Variants in GALNTL6 observed in about 807,000 individuals in gnomAD.
GALNTL6 encodes polypeptide N-acetylgalactosaminyltransferase-like 6.
In GALNTL6, 46 loss-of-function variants were observed where a neutral mutation model predicts 73.7. The observed-to-expected ratio is 0.62, with a 90% CI of 0.49 to 0.80. GALNTL6 has a LOEUF of 0.80. GALNTL6 is among the 30% of genes least tolerant of loss of function. The pLI, the probability that GALNTL6 is intolerant of heterozygous loss-of-function variation, is 0.00. For synonymous variants in GALNTL6, 259 were observed against 263.7 expected, an observed-to-expected ratio of 0.98 and a Z score of 0.17; for missense variants, 604 against 755.0, an observed-to-expected ratio of 0.80 and a Z score of 2.34.
chr4:172,246,799 G>A (rs192004611), intron 3 of GALNTL6, among the ~76,000 whole-genome samples: 129 of 146,606 alleles, frequency 8.8e-4, no homozygotes, highest in African/African-American at 3.0e-3. Flanking sequence ...GAAGCCAGGC[G>A]ATTTATATAT....
At chr4:172,674,459 T>C (rs1417730621) in intron 5 of GALNTL6, among the ~76,000 whole-genome samples, 1 of 152,160 alleles carries the variant, frequency 6.6e-6, no homozygotes, top group Non-Finnish European at 1.5e-5. Flanking sequence ...GATTTTCTTT[T>C]GACATATCTT....
chr4:171,836,067 GT>G (rs34563112), intron 2 of GALNTL6, among the ~76,000 whole-genome samples: 44,143 of 151,766 alleles, frequency 0.29, 6,559 homozygotes, highest in Middle Eastern at 0.37. Context: ...TCATAAAATA[GT>G]GCTAGTAATA....
At chr4:172,449,313 C>A (rs1484636027) in intron 5 of GALNTL6, among the ~76,000 whole-genome samples, 1 of 152,128 alleles carries the variant, frequency 6.6e-6, no homozygotes, top group Non-Finnish European at 1.5e-5. Flanking sequence ...AAGTATCCCT[C>A]CAAGTACCAC....
At chr4:171,909,908 A>G (rs569175355) in intron 2 of GALNTL6, among the ~76,000 whole-genome samples, 2 of 152,266 alleles carry the variant, frequency 1.3e-5, no homozygotes, top group East Asian at 3.9e-4. Flanking sequence ...AAGACAAACA[A>G]CGTGACTATT....
chr4:172,722,036 G>A (rs1446909774), intron 5 of GALNTL6, among the ~76,000 whole-genome samples: 1 of 149,366 alleles, frequency 6.7e-6, no homozygotes, highest in Admixed American at 6.7e-5. Context: ...TTTCAGTCCT[G>A]CACGAACAGA....
chr4:172,114,109 A>G (rs2201113), intron 2 of GALNTL6, among the ~76,000 whole-genome samples: 1 of 151,860 alleles, frequency 6.6e-6, no homozygotes, highest in African/African-American at 2.4e-5. Context: ...GAGCATGCAC[A>G]TTGTTTGTAC....
chr4:172,603,420 T>C (rs1477991018), intron 5 of GALNTL6, among the ~76,000 whole-genome samples: 2 of 152,194 alleles, frequency 1.3e-5, no homozygotes, highest in African/African-American at 4.8e-5. Flanking sequence ...CCAAGGCCAT[T>C]GGCCAAGTGC....
rs1031022813 is a variant in GALNTL6, at chr4:172,809,210, A to C, written c.554-151A>C. 9.6e-6 allele frequency: 6 copies of C among 627,896 alleles called. No individual in the cohort carries two copies. The highest frequency in any genetic ancestry group is 1.4e-5 in the Non-Finnish European group (5 of 361,796). 38.9% of individuals were successfully genotyped at this position (627,896 alleles called of 1,614,324 possible). On this transcript the variant is annotated intron_variant, in intron 5 of 12. Transcript: ENST00000506823. The surrounding 1 kb of genome is among the most constrained non-coding windows in gnomAD (Gnocchi z 4.4). ...ATTCTGGAAAGTGTAAAATCTAAAAATCTTACTAGTATCTCCCATCTAGAT... is the reference window on the plus strand; with the variant it reads ...ATTCTGGAAAGTGTAAAATCTAAAACTCTTACTAGTATCTCCCATCTAGAT...
chr4:172,083,240 C>G (rs1443086125), intron 2 of GALNTL6, among the ~76,000 whole-genome samples: 1 of 152,150 alleles, frequency 6.6e-6, no homozygotes, highest in Non-Finnish European at 1.5e-5. Flanking sequence ...TAAAATCTCC[C>G]TAAGTTGTAT....
At chr4:172,118,959 A>C (rs561662738) in intron 2 of GALNTL6, among the ~76,000 whole-genome samples, 2 of 152,032 alleles carry the variant, frequency 1.3e-5, no homozygotes, top group Admixed American at 6.5e-5. Flanking sequence ...ACACAGATAC[A>C]TAGATAAAGC....
At chr4:172,017,696 G>A (rs910461919) in intron 2 of GALNTL6, among the ~76,000 whole-genome samples, 4 of 152,050 alleles carry the variant, frequency 2.6e-5, no homozygotes, top group Non-Finnish European at 4.4e-5. Flanking sequence ...TTTGTCCCAC[G>A]GGGTGATCCC....
rs150929532 is a variant in GALNTL6, at chr4:172,271,215, G to A, written c.248-40399G>A. On this transcript the variant is annotated intron_variant, in intron 3 of 12. Transcript: ENST00000506823. ...AAAAATGCTATTTTGACATATATAC[G>A]TTGCCTCACCAGAAATTATTCTGAT... Among the ~76,000 whole-genome samples the A allele has an allele frequency of 2.0e-3, 298 of 152,168 alleles. 1 individual carries two copies. The highest frequency in any genetic ancestry group is 6.8e-3 in the African/African-American group (283 of 41,530).
At chr4:172,750,929 A>G (rs370838404) in intron 5 of GALNTL6, among the ~76,000 whole-genome samples, 1 of 152,110 alleles carries the variant, frequency 6.6e-6, no homozygotes, top group African/African-American at 2.4e-5. Flanking sequence ...CCTCAATGTT[A>G]TCTAAGTAGT....
At chr4:171,898,744 A>T (rs1736997260) in intron 2 of GALNTL6, among the ~76,000 whole-genome samples, 2 of 151,936 alleles carry the variant, frequency 1.3e-5, no homozygotes, top group South Asian at 2.1e-4. Context: ...AGTTTTTTTT[A>T]ATTTTATTTT....
At chr4:171,823,482 AT>A (rs1203077680) in intron 2 of GALNTL6, among the ~76,000 whole-genome samples, 2 of 151,860 alleles carry the variant, frequency 1.3e-5, no homozygotes, top group African/African-American at 2.4e-5. Context: ...GATGTCTGAG[AT>A]TTTTTTCCCA....
chr4:171,846,227 T>C (rs1412714696), intron 2 of GALNTL6, among the ~76,000 whole-genome samples: 2 of 152,226 alleles, frequency 1.3e-5, no homozygotes, highest in Non-Finnish European at 2.9e-5. Flanking sequence ...ACCTACTCAC[T>C]GTAATTTATT....
intron 5 of GALNTL6, among the ~76,000 whole-genome samples, chr4:172,724,422 G>A (rs1051748150): frequency 3.3e-5 from 5 of 152,170 alleles, no homozygotes; most frequent in Non-Finnish European, 5.9e-5. Context: ...AGCAGTCGAT[G>A]ATTATCAAAG....
chr4:172,792,163 T>G (rs1432600262), intron 5 of GALNTL6, among the ~76,000 whole-genome samples: 1 of 152,166 alleles, frequency 6.6e-6, no homozygotes, highest in Non-Finnish European at 1.5e-5. Context: ...ATCAAAACCA[T>G]GACGTGAAAA....
intron 2 of GALNTL6, among the ~76,000 whole-genome samples, chr4:171,959,326 C>G (rs1181807906): frequency 6.6e-6 from 1 of 152,056 alleles, no homozygotes; most frequent in Non-Finnish European, 1.5e-5. Flanking sequence ...AGGTAAGATA[C>G]TAAGTCTGAG....
Sources: allele counts gnomAD v4.1 joint callset (sites outside exome capture counted in the v4.1 genomes callset), GRCh38; gene constraint gnomAD v4.1.1; non-coding constraint Gnocchi (gnomAD v3.1); transcripts MANE v1.5; gene names NCBI Gene and HGNC (gene_info 2026-07-23, HGNC 2026-07-21).